The following MAD1L1 variants were observed in gnomAD, a reference collection of about 807,000 sequenced individuals.
MAD1L1 encodes the protein mitotic spindle assembly checkpoint protein MAD1.
MAD1L1 carries 95 observed loss-of-function variants against 96.9 expected under a neutral mutation model. That is an observed-to-expected ratio of 0.98 (90% CI 0.83 to 1.16). The LOEUF is 1.16. Among genes scored for constraint, MAD1L1 ranks in the 50% most tolerant of loss-of-function variants. The pLI, the probability that MAD1L1 is intolerant of heterozygous loss-of-function variation, is 0.00. For synonymous variants in MAD1L1, 473 were observed against 396.6 expected (o/e 1.19, Z -2.29); for missense variants, 1,007 against 954.4 (o/e 1.06, Z -0.73).
intron 16 of MAD1L1, among the ~76,000 whole-genome samples, chr7:1,939,008 CACACACACACACACAT>C (rs1778791428): frequency 7.9e-6 from 1 of 127,030 alleles, no homozygotes; most frequent in Admixed American, 8.9e-5. Context: ...CGCACACACA[CACACACACACACACAT>C]GGGCCAGGGC....
intron 16 of MAD1L1, 149 bp from the exon 17 acceptor site, chr7:1,937,046 C>G (rs776970786): frequency 1.5e-6 from 1 of 667,852 alleles, no homozygotes; most frequent in Non-Finnish European, 2.5e-6. Flanking sequence ...CTTGAGCCTG[C>G]CTGGCAGCCA....
chr7:1,890,505 C>T (rs1786471141), intron 18 of MAD1L1, among the ~76,000 whole-genome samples: 1 of 152,226 alleles, frequency 6.6e-6, no homozygotes, highest in Non-Finnish European at 1.5e-5. Context: ...GCACACGTGC[C>T]CACTTTTGAA....
chr7:1,989,142 A>C (rs1781292067), intron 14 of MAD1L1, among the ~76,000 whole-genome samples: 1 of 152,240 alleles, frequency 6.6e-6, no homozygotes, highest in South Asian at 2.1e-4. Context: ...CACAGGGTGA[A>C]GTTCAGGACC....
chr7:2,227,393 T>C (rs147712040), intron 3 of MAD1L1, among the ~76,000 whole-genome samples: 15 of 152,306 alleles, frequency 9.8e-5, no homozygotes, highest in Middle Eastern at 3.4e-3. Context: ...TGGTTCCCAG[T>C]GGGGTCCAGT....
At chr7:1,895,921 G>A (rs1201930786) in intron 18 of MAD1L1, among the ~76,000 whole-genome samples, 1 of 152,274 alleles carries the variant, frequency 6.6e-6, no homozygotes, top group Non-Finnish European at 1.5e-5. Context: ...GCAGTGAGGG[G>A]GCGGCCTGGG....
intron 18 of MAD1L1, among the ~76,000 whole-genome samples, chr7:1,878,430 T>C (rs1217744662): frequency 6.6e-6 from 1 of 151,954 alleles, no homozygotes; most frequent in African/African-American, 2.4e-5. Flanking sequence ...AATTAGGAAA[T>C]TGAATCTATC....
chr7:1,995,599 T>G (rs1781520591), intron 14 of MAD1L1, among the ~76,000 whole-genome samples: 1 of 151,106 alleles, frequency 6.6e-6, no homozygotes, highest in South Asian at 2.1e-4. Flanking sequence ...AGGAGGAGAG[T>G]GAGCTAAGGA....
chr7:2,132,649 C>T (rs764684283), intron 11 of MAD1L1, among the ~76,000 whole-genome samples: 1 of 152,248 alleles, frequency 6.6e-6, no homozygotes, highest in Non-Finnish European at 1.5e-5. Context: ...CACAGTACAC[C>T]GCCTTTGCAG....
At chr7:1,905,525 A>G (rs10807760) in intron 17 of MAD1L1, among the ~76,000 whole-genome samples, 98,247 of 142,594 alleles carry the variant, frequency 0.69, 32,388 homozygotes, top group Admixed American at 0.77. Context: ...CAGCGAGGAC[A>G]CAGTGGCCTA....
At chr7:2,081,750 G>A (rs528752065) in intron 11 of MAD1L1, among the ~76,000 whole-genome samples, 37 of 152,384 alleles carry the variant, frequency 2.4e-4, no homozygotes, top group Non-Finnish European at 4.3e-4. Context: ...AGCTAAGTGC[G>A]AGGGAGAAAA....
chr7:2,081,789 C>A (rs1342415230), intron 11 of MAD1L1, among the ~76,000 whole-genome samples: 1 of 152,210 alleles, frequency 6.6e-6, no homozygotes, highest in Non-Finnish European at 1.5e-5. Context: ...GAGGGGAAGG[C>A]CGCCTGGCCT....
At chr7:1,896,992 TGTGTTTTTATTATTCAAAGGTTTGAGA>T (rs1222890316) in intron 18 of MAD1L1, among the ~76,000 whole-genome samples, 1 of 152,226 alleles carries the variant, frequency 6.6e-6, no homozygotes, top group Non-Finnish European at 1.5e-5. Flanking sequence ...AAAGACTTGG[TGTGTTTTTATTATTCAAAGGTTTGAGA>T]GTTTCAAGAG....
At chr7:1,987,426 T>C (rs1781202448) in intron 14 of MAD1L1, among the ~76,000 whole-genome samples, 1 of 151,606 alleles carries the variant, frequency 6.6e-6, no homozygotes, top group Non-Finnish European at 1.5e-5. Flanking sequence ...AACGGGGAGG[T>C]ACTGGGGCGG....
intron 11 of MAD1L1, among the ~76,000 whole-genome samples, chr7:2,079,069 G>A (rs1361696772): frequency 1.3e-5 from 2 of 152,196 alleles, no homozygotes; most frequent in Non-Finnish European, 2.9e-5. Context: ...TTGGGAGGGG[G>A]TGAATGCCTC....
At chr7:2,195,142 T>A (rs1014118008) in intron 10 of MAD1L1, among the ~76,000 whole-genome samples, 1 of 151,306 alleles carries the variant, frequency 6.6e-6, no homozygotes, top group South Asian at 2.1e-4. Flanking sequence ...AACTTACAGA[T>A]AACTTAGCAG....
chr7:1,864,805 GC>G (rs888396149), intron 18 of MAD1L1, among the ~76,000 whole-genome samples: 2 of 152,052 alleles, frequency 1.3e-5, no homozygotes, highest in African/African-American at 4.8e-5. Flanking sequence ...CCCCCACTCC[GC>G]CCCTTTCTCG....
intron 13 of MAD1L1, among the ~76,000 whole-genome samples, chr7:2,013,537 A>G (rs1250473157): frequency 6.6e-6 from 1 of 152,242 alleles, no homozygotes; most frequent in Non-Finnish European, 1.5e-5. Context: ...TTCGGATCAC[A>G]ACGGCACCCA....
chr7:2,199,971 C>T (rs73041329), intron 10 of MAD1L1, among the ~76,000 whole-genome samples: 4,319 of 152,344 alleles, frequency 0.028, 108 homozygotes, highest in South Asian at 0.075. Flanking sequence ...ACAAATCCCC[C>T]AGAGTTCCAG....
intron 15 of MAD1L1, among the ~76,000 whole-genome samples, chr7:1,964,899 G>A (rs963280326): frequency 4.6e-5 from 7 of 152,208 alleles, no homozygotes; most frequent in Admixed American, 2.0e-4. Context: ...CTGGAGAGGG[G>A]ACAGTAGGGA....
Sources: gnomAD v4.1 joint callset for allele counts (sites outside exome capture counted in the v4.1 genomes callset) on GRCh38, gnomAD v4.1.1 for gene constraint, MANE v1.5 for transcripts, NCBI Gene and HGNC (gene_info 2026-07-23, HGNC 2026-07-21) for gene names.